The following CPNE9 variants were observed in gnomAD, a reference collection of about 807,000 sequenced individuals.
CPNE9 encodes the protein copine-9.
Under a neutral mutation model 83.0 loss-of-function variants are expected in CPNE9, and 59 were observed. The ratio of observed to expected loss-of-function variants is 0.71; its 90% CI spans 0.58 to 0.88. The LOEUF is 0.88. Among genes scored for constraint, CPNE9 ranks in the 40% least tolerant of loss-of-function variants. The pLI is 0.00. For synonymous variants in CPNE9, 256 were observed against 273.4 expected (o/e 0.94, Z 0.63); for missense variants, 619 against 720.8 (o/e 0.86, Z 1.62).
chr3:9,705,592 C>T lies in CPNE9; in HGVS notation c.297+92C>T. 2.6e-6 allele frequency: 4 copies of T among 1,561,416 alleles called. 1 individual carries two copies. In the East Asian group the frequency reaches 9.0e-5, roughly 35 times the overall value. ...TCAGAACTCCTCCCAACCCTCGACC[C>T]AGACCCCATCTTCTTCAGGCCCCCA... On this transcript the variant is annotated intron_variant, in intron 5 of 20. Coordinates refer to ENST00000383832, the MANE Select transcript of CPNE9 (RefSeq NM_153635.3).
rs1263924205 is a variant in CPNE9, at chr3:9,704,247, C to G, written c.68+183C>G. 6.6e-6 allele frequency among the ~76,000 whole-genome samples: 1 copy of G among 152,146 alleles called. No individual in the cohort carries two copies. Among genetic ancestry groups the G allele is most frequent in the African/African-American group, 2.4e-5 (1 of 41,422 alleles). ...AAGCGGGGGGTCTTGGGCAGCCCCA[C>G]CCCGAAAAAAGGGCTCAGCCTGCGG... On this transcript the variant is annotated intron_variant, in intron 1 of 20. Coordinates refer to ENST00000383832, the MANE Select transcript of CPNE9 (RefSeq NM_153635.3). The surrounding 1 kb of genome is among the most constrained non-coding windows in gnomAD (Gnocchi z 7.1).
chr3:9,709,537 T>C (rs1044919965), intron 7 of CPNE9, among the ~76,000 whole-genome samples: 5 of 151,200 alleles, frequency 3.3e-5, no homozygotes, highest in Non-Finnish European at 7.4e-5. Context: ...CCCAGCCAAT[T>C]TTTGTAGTTT....
chr3:9,729,808 A>G lies in CPNE9; in HGVS notation c.*116A>G, dbSNP rs866029275. 3 of 1,416,986 alleles carry G rather than the reference A, an allele frequency of 2.1e-6. No individual in the cohort carries two copies. The highest frequency in any genetic ancestry group is 1.4e-5 in the African/African-American group (1 of 69,964). 87.8% of individuals were successfully genotyped at this position (1,416,986 alleles called of 1,614,324 possible). A position where few individuals can be genotyped will look rare whatever the true frequency, so the allele number is the denominator to read the frequency against. On this transcript the variant is annotated 3_prime_UTR_variant, in exon 21 of 21. Coordinates refer to ENST00000383832, the MANE Select transcript of CPNE9 (RefSeq NM_153635.3). The stretch of plus-strand genomic sequence containing the variant: ...ACTGGGAGGGCCAACTTGGAGGATC[A>G]GTGCTGGCTGACAAGCCCTCCGCCT...
intron 10 of CPNE9, among the ~76,000 whole-genome samples, chr3:9,713,506 T>G (rs1267262609): frequency 6.6e-6 from 1 of 151,740 alleles, no homozygotes; most frequent in Non-Finnish European, 1.5e-5. Flanking sequence ...GATATACAGG[T>G]GATGGGTGAT....
intron 7 of CPNE9, among the ~76,000 whole-genome samples, chr3:9,707,435 A>G (rs1224001552): frequency 7.2e-5 from 11 of 151,822 alleles, no homozygotes; most frequent in Admixed American, 4.6e-4. Flanking sequence ...CTCTGACAGT[A>G]ATCCAGGATG....
At chr3:9,716,474 A>AT (rs111336803) in intron 14 of CPNE9, among the ~76,000 whole-genome samples, 16,128 of 147,602 alleles carry the variant, frequency 0.11, 931 homozygotes, top group Non-Finnish European at 0.14. Context: ...TAAAATGAGG[A>AT]TTTTTTTTTT....
At chr3:9,709,208 G>A (rs1442869069) in intron 7 of CPNE9, among the ~76,000 whole-genome samples, 3 of 147,772 alleles carry the variant, frequency 2.0e-5, no homozygotes, top group Admixed American at 6.7e-5. Flanking sequence ...CCCGGGAGGC[G>A]GAGGTTGCAG....
At chr3:9,725,079 T>A (rs893367497) in intron 17 of CPNE9, among the ~76,000 whole-genome samples, 1 of 152,086 alleles carries the variant, frequency 6.6e-6, no homozygotes, top group African/African-American at 2.4e-5. Flanking sequence ...GGTACCGTCA[T>A]AGCAGTGTCC....
At position 9,704,112 on chromosome 3, in the gene CPNE9, C is replaced by T. The variant is rs773710552; in HGVS notation, c.68+48C>T. On this transcript the variant is annotated intron_variant, in intron 1 of 20. Coordinates refer to ENST00000383832, the MANE Select transcript of CPNE9 (RefSeq NM_153635.3). The surrounding 1 kb of genome is among the most constrained non-coding windows in gnomAD (Gnocchi z 7.1). Reference sequence around the variant, plus strand: ...GGCTTAGGCACTGGCACTGCCCCAGCCCCAGCCAGCCGCGGGGCTCAGCCT... The same window carrying T: ...GGCTTAGGCACTGGCACTGCCCCAGTCCCAGCCAGCCGCGGGGCTCAGCCT... 1.3e-6 allele frequency: 2 copies of T among 1,549,952 alleles called. No homozygotes were observed. Among genetic ancestry groups the T allele is most frequent in the Admixed American group, 1.8e-5 (1 of 54,938 alleles).
At chr3:9,725,682 A>ATGTATATATATATGTGTATATATG (rs55757225) in intron 17 of CPNE9, among the ~76,000 whole-genome samples, 9 of 123,020 alleles carry the variant, frequency 7.3e-5, no homozygotes, top group African/African-American at 2.5e-4. Flanking sequence ...ATGTGTATAT[A>ATGTATATATATATGTGTATATATG]TATATACATA....
At chr3:9,714,772 TG>T in intron 10 of CPNE9, 141 bp from the exon 11 acceptor site, 1 of 659,250 alleles carries the variant, frequency 1.5e-6, no homozygotes, top group South Asian at 1.9e-5. Flanking sequence ...ATAGACAGGA[TG>T]GGAGGCAGGT....
intron 11 of CPNE9, 94 bp downstream of exon 11, chr3:9,715,049 T>C: frequency 8.2e-7 from 1 of 1,224,424 alleles, no homozygotes. Flanking sequence ...AAAGTAGCTT[T>C]AGGAGCCAGG....
rs779797362 is a variant in CPNE9 at position 9,726,159 on chromosome 3, G to A, written c.1344+108G>A. ...AACAAGTTAGCCTGCCAGTTTCATGGATGCTGGCAGAAGACACAAGACTCT... is the reference window on the plus strand; with the variant it reads ...AACAAGTTAGCCTGCCAGTTTCATGAATGCTGGCAGAAGACACAAGACTCT... On this transcript the variant is annotated intron_variant, in intron 18 of 20. Coordinates refer to ENST00000383832, the MANE Select transcript of CPNE9 (RefSeq NM_153635.3). 1.6e-4 allele frequency: 101 copies of A among 644,598 alleles called. 1 individual carries two copies. The Admixed American group carries it at 2.3e-3, about 15-fold the overall frequency. The allele number at this position is 644,598 out of a possible 1,614,324, so 39.9% of individuals were successfully genotyped here.
chr3:9,717,627 T>C (rs757187567), intron 15 of CPNE9, among the ~76,000 whole-genome samples: 5 of 152,076 alleles, frequency 3.3e-5, no homozygotes, highest in Admixed American at 1.3e-4. Flanking sequence ...TACTGTTGTA[T>C]AGATGGGTGG....
intron 12 of CPNE9, 49 bp from the exon 13 acceptor site, chr3:9,715,424 G>A: frequency 6.2e-7 from 1 of 1,612,488 alleles, no homozygotes; most frequent in Non-Finnish European, 8.5e-7. Flanking sequence ...GCTCAGTCTG[G>A]ACCTCCCTTC....
At position 9,704,621 on chromosome 3, in the gene CPNE9, G is replaced by A; in HGVS notation, c.103G>A (p.Asp35Asn). The change falls in exon 2 of 21, where the codon GAC becomes AAC. Residue 35 changes from aspartate to asparagine, a missense_variant. By Grantham distance (23) the Asp-to-Asn change is conservative (BLOSUM62 1). Around this residue, in one of 3 missense-constraint regions of CPNE9, gnomAD observed 130 missense variants for 117.5 expected, o/e 1.11. Transcript: ENST00000383832. The surrounding 1 kb of genome is among the most constrained non-coding windows in gnomAD (Gnocchi z 7.1). ...LLDLDTFSKSDPMVVLYTQSR... is the reference protein window; with the variant it reads ...LLDLDTFSKSNPMVVLYTQSR... ...AGACCTTGATACCTTCTCCAAGTCC[G>A]ACCCCAGTAGGCGGCTCCAGGACCG... The A allele has an allele frequency of 1.2e-6, 2 of 1,613,964 alleles. No individual in the cohort carries two copies. Among genetic ancestry groups the A allele is most frequent in the Non-Finnish European group, 1.7e-6 (2 of 1,179,834 alleles).
chr3:9,725,666 ATATATATGTG>A (rs1559646060), intron 17 of CPNE9, among the ~76,000 whole-genome samples: 2 of 40,704 alleles, frequency 4.9e-5, no homozygotes, highest in Non-Finnish European at 9.3e-5. Context: ...GTATATATGT[ATATATATGTG>A]TATATATATA....
chr3:9,707,488 T>A (rs2076576265), intron 7 of CPNE9, among the ~76,000 whole-genome samples: 1 of 151,594 alleles, frequency 6.6e-6, no homozygotes, highest in African/African-American at 2.4e-5. Flanking sequence ...TCAGGATATA[T>A]TTTAAAGGTG....
At chr3:9,719,319 C>A (rs1450772932) in intron 17 of CPNE9, among the ~76,000 whole-genome samples, 2 of 152,054 alleles carry the variant, frequency 1.3e-5, no homozygotes, top group South Asian at 2.1e-4. Context: ...CCTTATTATG[C>A]GGCACAAAGG....
Sources: gnomAD v4.1 joint callset for allele counts (sites outside exome capture counted in the v4.1 genomes callset) on GRCh38, gnomAD v4.1.1 for gene constraint, gnomAD v4.1.1 regional missense constraint, Gnocchi (gnomAD v3.1) non-coding constraint, MANE v1.5 for transcripts, NCBI Gene and HGNC (gene_info 2026-07-23, HGNC 2026-07-21) for gene names.